INSR: variants seen among roughly 807,000 people sequenced by gnomAD.
The protein encoded by INSR is IR.
A neutral mutation model predicts 142.6 loss-of-function variants in INSR; 67 were observed. The ratio of observed to expected loss-of-function variants is 0.47; its 90% CI spans 0.39 to 0.58. INSR has a LOEUF of 0.58. INSR is among the 20% of genes least tolerant of loss of function. The probability of loss-of-function intolerance (pLI) is 0.00; values close to 1 mark genes in which losing one functional copy is unlikely to be tolerated. For missense variants in INSR, 1,248 were observed against 1,833.2 expected (o/e 0.68, Z 5.83); for synonymous variants, 756 against 743.1 (o/e 1.02, Z -0.28).
At chr19:7,141,613 A>C in intron 13 of INSR, 64 bp downstream of exon 13, 2 of 1,606,606 alleles carry the variant, frequency 1.2e-6, no homozygotes, top group Non-Finnish European at 1.7e-6. Flanking sequence ...AGGAGGTACC[A>C]AGTGCAACTC....
intron 2 of INSR, among the ~76,000 whole-genome samples, chr19:7,263,025 C>G (rs568636214): frequency 2.6e-5 from 4 of 152,214 alleles, no homozygotes; most frequent in South Asian, 4.2e-4. Context: ...CACCTGTAAT[C>G]CCAGCACTTT....
intron 16 of INSR, 87 bp downstream of exon 16, chr19:7,126,497 C>T (rs1972648503): frequency 3.3e-6 from 4 of 1,230,752 alleles, no homozygotes; most frequent in Non-Finnish European, 4.7e-6. Flanking sequence ...CCCTGGGGAA[C>T]CCATCCTTCA....
At chr19:7,177,766 C>T (rs1320011989) in intron 3 of INSR, among the ~76,000 whole-genome samples, 5 of 138,470 alleles carry the variant, frequency 3.6e-5, no homozygotes, top group South Asian at 2.3e-4. Context: ...AGGCTGGTCT[C>T]GAACTCCCAA....
chr19:7,198,585 G>A (rs7250292), intron 2 of INSR, among the ~76,000 whole-genome samples: 17,126 of 151,976 alleles, frequency 0.11, 1,095 homozygotes, highest in African/African-American at 0.17. Context: ...CCTCGGGAGG[G>A]GTCCAGAAAG....
At chr19:7,191,912 AAGAC>A (rs1453522109) in intron 2 of INSR, among the ~76,000 whole-genome samples, 9 of 142,196 alleles carry the variant, frequency 6.3e-5, no homozygotes, top group Admixed American at 2.9e-4. Flanking sequence ...AAGAAAGAGA[AAGAC>A]AGAAAGAAGG....
intron 9 of INSR, among the ~76,000 whole-genome samples, chr19:7,158,045 GTATTATTAT>G (rs72379188): frequency 0.18 from 25,286 of 140,936 alleles, 2,694 homozygotes; most frequent in East Asian, 0.23. Flanking sequence ...GAAGCTCCTG[GTATTATTAT>G]TATTATTATT....
In INSR at chr19:7,256,235, C is replaced by T. The variant is rs560018408; in HGVS notation, c.652+11110G>A. On this transcript the variant is annotated intron_variant, in intron 2 of 21. Transcript: ENST00000302850. ...GGAGGATCACCTGAGGTCAGGAGTT[C>T]GAGACCACCCTGGCCAACATAGTGA... 1.6e-4 allele frequency among the ~76,000 whole-genome samples: 24 copies of T among 152,114 alleles called. No individual in the cohort carries two copies. In the South Asian group the frequency reaches 3.9e-3, roughly 25 times the overall value.
At chr19:7,244,481 C>T (rs73490791) in intron 2 of INSR, among the ~76,000 whole-genome samples, 17,387 of 150,944 alleles carry the variant, frequency 0.12, 2,777 homozygotes, top group African/African-American at 0.36. Context: ...TGCAGTGAGC[C>T]GAGATCGTGC....
At chr19:7,154,751 C>A (rs1973546362) in intron 9 of INSR, among the ~76,000 whole-genome samples, 1 of 151,752 alleles carries the variant, frequency 6.6e-6, no homozygotes, top group Non-Finnish European at 1.5e-5. Context: ...TGGCGAAACC[C>A]CGTCTCTACT....
intron 10 of INSR, chr19:7,152,226 A>G (rs923125043): frequency 1.3e-4 from 28 of 222,802 alleles, no homozygotes; most frequent in South Asian, 4.7e-4. Flanking sequence ...CCCCGTCTCT[A>G]CTAAAAATAT....
intron 2 of INSR, among the ~76,000 whole-genome samples, chr19:7,217,636 C>T (rs977512774): frequency 7.2e-5 from 11 of 152,290 alleles, no homozygotes; most frequent in African/African-American, 1.2e-4. Context: ...CTTGGCTCAC[C>T]GCAAGCTCCG....
intron 2 of INSR, among the ~76,000 whole-genome samples, chr19:7,250,886 G>C (rs1182663552): frequency 6.6e-6 from 1 of 151,904 alleles, no homozygotes; most frequent in Non-Finnish European, 1.5e-5. Context: ...AAGCAGAACT[G>C]TCCCAGGAAC....
rs1972317756 is a variant in INSR at position 7,116,129 on chromosome 19, T to TTC, written c.*926_*927insGA. ...TTTTGTTTTTTCTTTCTTTTTCTTT[T>TTC]TTTTTTTTTAATGTCCTAGCTTGGT... On this transcript the variant is annotated 3_prime_UTR_variant, in exon 22 of 22. Coordinates refer to ENST00000302850, the MANE Select transcript of INSR (RefSeq NM_000208.4). The TTC allele has an allele frequency of 6.7e-6, 1 of 150,128 alleles. No individual in the cohort carries two copies. The highest frequency in any genetic ancestry group is 1.5e-5 in the Non-Finnish European group (1 of 67,558). The allele number at this position is 150,128 out of a possible 1,614,324, so 9.3% of individuals were successfully genotyped here. A position where few individuals can be genotyped will look rare whatever the true frequency, so the allele number is the denominator to read the frequency against.
chr19:7,248,485 CAA>C (rs758091489), intron 2 of INSR, among the ~76,000 whole-genome samples: 1 of 35,404 alleles, frequency 2.8e-5, no homozygotes. Context: ...GACCCCATCT[CAA>C]AAAAAAAAAA....
intron 1 of INSR, among the ~76,000 whole-genome samples, chr19:7,279,958 G>A (rs775242646): frequency 6.6e-6 from 1 of 151,484 alleles, no homozygotes; most frequent in African/African-American, 2.4e-5. Context: ...ACAGTGCGAG[G>A]AGACCCTGTC....
At position 7,132,184 on chromosome 19, in the gene INSR, G is replaced by T; in HGVS notation, c.2816C>A (p.Pro939His). ...ATAGTCTGTCACGTAGAAATAGGTGGGTTCCGTCCAAGAGCCGTTGCCCGC... is the reference window on the plus strand; with the variant it reads ...ATAGTCTGTCACGTAGAAATAGGTGTGTTCCGTCCAAGAGCCGTTGCCCGC... ...SLAGNGSWTE[P>H]TYFYVTDYLD... Residue 939 changes from proline to histidine, a missense_variant, in exon 14 of 22, where the codon CCC becomes CAC. This residue lies in a region of INSR where 1,069 missense variants were observed against 1,654.0 expected (regional missense o/e 0.65). Coordinates refer to ENST00000302850, the MANE Select transcript of INSR (RefSeq NM_000208.4). 1 of 1,614,142 alleles carries T rather than the reference G, an allele frequency of 6.2e-7. No homozygotes were observed. Among genetic ancestry groups the T allele is most frequent in the Non-Finnish European group, 8.5e-7 (1 of 1,180,012 alleles).
rs970043558 is a variant in INSR at position 7,142,972 on chromosome 19, T to A, written c.2386A>T (p.Arg796Trp). 1 of 1,614,198 alleles carries A rather than the reference T, an allele frequency of 6.2e-7. No homozygotes were observed. Among genetic ancestry groups the A allele is most frequent in the Non-Finnish European group, 8.5e-7 (1 of 1,180,030 alleles). The stretch of plus-strand genomic sequence containing the variant: ...TTGTTCACCACCTTCTCAAAAGGCC[T>A]GTGCTCCTCCGGACTCGTGGGCACG... Reference protein sequence around the residue: ...TSVPTSPEEHRPFEKVVNKES... With the variant: ...TSVPTSPEEHWPFEKVVNKES... The change falls in exon 12 of 22, where the codon AGG becomes TGG. Residue 796 changes from arginine (R) to tryptophan (W), a missense_variant. Physicochemically the swap from Arg to Trp is moderately radical, Grantham distance 101 (BLOSUM62 -3). Around this residue, in one of 3 missense-constraint regions of INSR, gnomAD observed 1,069 missense variants for 1,654.0 expected, o/e 0.65. Transcript: ENST00000302850.
At chr19:7,207,244 T>C (rs1437980482) in intron 2 of INSR, among the ~76,000 whole-genome samples, 2 of 151,604 alleles carry the variant, frequency 1.3e-5, no homozygotes, top group Non-Finnish European at 2.9e-5. Context: ...GGTGAAACCT[T>C]GTCTCTGCTA....
At chr19:7,118,721 A>G (rs1568425147) in intron 21 of INSR, among the ~76,000 whole-genome samples, 1 of 148,834 alleles carries the variant, frequency 6.7e-6, no homozygotes, top group South Asian at 2.1e-4. Flanking sequence ...GATCGAGACC[A>G]CGGTGAAACC....
Sources: gnomAD v4.1 joint callset for allele counts (sites outside exome capture counted in the v4.1 genomes callset) on GRCh38, gnomAD v4.1.1 for gene constraint, gnomAD v4.1.1 regional missense constraint, MANE v1.5 for transcripts, NCBI Gene and HGNC (gene_info 2026-07-23, HGNC 2026-07-21) for gene names.